NXNL2: variants seen among roughly 807,000 people sequenced by gnomAD.
The protein encoded by NXNL2 is nucleoredoxin like 2.
NXNL2 carries 7 observed loss-of-function variants against 11.1 expected under a neutral mutation model. The ratio of observed to expected loss-of-function variants is 0.63; its 90% CI spans 0.36 to 1.18. The LOEUF is 1.18. Among genes scored for constraint, NXNL2 ranks in the 50% most tolerant of loss-of-function variants. The pLI, the probability that NXNL2 is intolerant of heterozygous loss-of-function variation, is 0.02. For synonymous variants in NXNL2, 109 were observed against 101.8 expected (o/e 1.07, Z -0.42); for missense variants, 233 against 217.7 (o/e 1.07, Z -0.44).
At chr9:88,571,734 C>A (rs555610628) in intron 2 of NXNL2, among the ~76,000 whole-genome samples, 1 of 152,128 alleles carries the variant, frequency 6.6e-6, no homozygotes, top group Admixed American at 6.5e-5. Flanking sequence ...AGCTTTGCTC[C>A]GTCAGGAGGA....
In NXNL2 at chr9:88,535,677, CT is replaced by C. The variant is rs763515772; in HGVS notation, c.245del (p.Phe82SerfsTer22). On this transcript the variant is annotated frameshift_variant, in exon 1 of 2. Transcript: ENST00000375854. LOFTEE classifies it high-confidence loss of function. ...ADGSSQEMLD[F>X]MRELHGAWLA... Reference sequence around the variant, plus strand: ...ACGGCAGCTCCCAGGAGATGCTGGACTTCATGCGCGAGCTGCATGGCGCCTG... The same window carrying C: ...ACGGCAGCTCCCAGGAGATGCTGGACTCATGCGCGAGCTGCATGGCGCCTG... 2 of 1,604,868 alleles carry C rather than the reference CT, an allele frequency of 1.2e-6. No homozygotes were observed. The highest frequency in any genetic ancestry group is 2.7e-5 in the African/African-American group (2 of 74,686).
exon 3 of NXNL2, chr9:88,575,566 C>G (rs1830338295): frequency 6.6e-6 from 1 of 152,064 alleles, no homozygotes; most frequent in African/African-American, 2.4e-5. Context: ...CAATTGAACT[C>G]TTGGACATAG....
chr9:88,572,551 G>A (rs921822986), intron 2 of NXNL2, among the ~76,000 whole-genome samples: 1 of 152,162 alleles, frequency 6.6e-6, no homozygotes, highest in Non-Finnish European at 1.5e-5. Flanking sequence ...TGGGTGAGCC[G>A]TGCCCCTACC....
intron 1 of NXNL2, 78 bp from the exon 2 acceptor site, chr9:88,544,301 A>C (rs1829816431): frequency 2.2e-6 from 3 of 1,338,064 alleles, no homozygotes; most frequent in South Asian, 1.3e-5. Flanking sequence ...GCTGTACCTC[A>C]GGCTGGAGGG....
At chr9:88,539,600 G>C (rs1829706142) in intron 1 of NXNL2, 1 of 152,312 alleles carries the variant, frequency 6.6e-6, no homozygotes, top group South Asian at 2.1e-4. Flanking sequence ...GCTGGATAAA[G>C]AGCTTAAATC....
chr9:88,537,011 G>T (rs1829635804), intron 1 of NXNL2, among the ~76,000 whole-genome samples: 1 of 152,244 alleles, frequency 6.6e-6, no homozygotes, highest in Middle Eastern at 3.2e-3. Context: ...AGGTTTGAAA[G>T]CGAGAGACGA....
intron 1 of NXNL2, among the ~76,000 whole-genome samples, chr9:88,563,223 C>A (rs1482270157): frequency 6.6e-6 from 1 of 152,224 alleles, no homozygotes; most frequent in South Asian, 2.1e-4. Flanking sequence ...CATGTATGCT[C>A]GTGCACATGC....
At chr9:88,570,990 G>C in intron 1 of NXNL2, 1 of 344,668 alleles carries the variant, frequency 2.9e-6, no homozygotes, top group Non-Finnish European at 5.6e-6. Flanking sequence ...TGATCCACCC[G>C]AGTTGGCCTC....
At chr9:88,567,741 T>G (rs1327021432) in intron 1 of NXNL2, among the ~76,000 whole-genome samples, 1 of 152,206 alleles carries the variant, frequency 6.6e-6, no homozygotes, top group African/African-American at 2.4e-5. Context: ...GGCACTAATC[T>G]CTCACTTATA....
At chr9:88,562,453 G>C (rs1304325441) in intron 1 of NXNL2, among the ~76,000 whole-genome samples, 3 of 152,098 alleles carry the variant, frequency 2.0e-5, no homozygotes, top group African/African-American at 7.2e-5. Context: ...AAGAAAGAAA[G>C]AAAAGCAATT....
At position 88,535,688 on chromosome 9, in the gene NXNL2, AGCT is replaced by A; in HGVS notation, c.257_259del (p.Leu86del). Reference sequence around the variant, plus strand: ...CAGGAGATGCTGGACTTCATGCGCGAGCTGCATGGCGCCTGGCTGGCGCTGCCC... The same window carrying A: ...CAGGAGATGCTGGACTTCATGCGCGAGCATGGCGCCTGGCTGGCGCTGCCC... On this transcript the variant is annotated inframe_deletion, in exon 1 of 2. Transcript: ENST00000375854. 2 of 1,600,992 alleles carry A rather than the reference AGCT, an allele frequency of 1.2e-6. No individual in the cohort carries two copies. Among genetic ancestry groups the A allele is most frequent in the Non-Finnish European group, 1.7e-6 (2 of 1,176,518 alleles).
At chr9:88,574,514 A>G (rs777275455) in intron 2 of NXNL2, among the ~76,000 whole-genome samples, 2 of 152,244 alleles carry the variant, frequency 1.3e-5, no homozygotes, top group Non-Finnish European at 2.9e-5. Context: ...AGTCATAGGT[A>G]GATAAGAGAC....
chr9:88,557,903 T>C (rs1199257938), intron 1 of NXNL2, among the ~76,000 whole-genome samples: 5 of 152,166 alleles, frequency 3.3e-5, no homozygotes, highest in Non-Finnish European at 7.4e-5. Flanking sequence ...CCTGCAACAA[T>C]TTTTCTGCCC....
chr9:88,545,018 G>A, downstream of NXNL2: 1 of 432,486 alleles, frequency 2.3e-6, no homozygotes, highest in Non-Finnish European at 3.1e-6. Flanking sequence ...CCAGGTGCCA[G>A]TAGGAAGAAA....
chr9:88,558,089 G>A (rs2354559), intron 1 of NXNL2, among the ~76,000 whole-genome samples: 1,570 of 152,258 alleles, frequency 0.01, 28 homozygotes, highest in African/African-American at 0.035. Flanking sequence ...ACTGCTGGTT[G>A]GGGGCCCCTG....
chr9:88,558,916 A>G (rs1321282450), intron 1 of NXNL2, among the ~76,000 whole-genome samples: 2 of 151,992 alleles, frequency 1.3e-5, no homozygotes, highest in Non-Finnish European at 2.9e-5. Context: ...GTCCCCTCTG[A>G]TCCCAGGTGG....
intron 2 of NXNL2, chr9:88,571,260 G>C (rs1830261460): frequency 1.9e-5 from 5 of 257,130 alleles, no homozygotes; most frequent in South Asian, 1.8e-4. Flanking sequence ...GTAGAGACAG[G>C]GTTTCACCAT....
At chr9:88,564,248 A>G (rs1250890068) in intron 1 of NXNL2, among the ~76,000 whole-genome samples, 1 of 133,516 alleles carries the variant, frequency 7.5e-6, no homozygotes, top group Non-Finnish European at 1.5e-5. Flanking sequence ...TTGTCTATCT[A>G]TCTATCTATC....
Position 88,544,416 on chromosome 9 carries a change from A to C in NXNL2, c.340A>C (p.Lys114Gln). 7.7e-6 allele frequency: 12 copies of C among 1,551,878 alleles called. No homozygotes were observed. Among genetic ancestry groups the C allele is most frequent in the Non-Finnish European group, 1.0e-5 (12 of 1,147,030 alleles). Residue 114 changes from lysine to glutamine, a missense_variant, in exon 2 of 2, where the codon AAG becomes CAG. By Grantham distance (53) the Lys-to-Gln change is moderately conservative (BLOSUM62 1). Transcript: ENST00000375854. ...RKRYNVTAIP[K>Q]LVIVKQNGEV... Reference sequence around the variant, plus strand: ...GAGGTACAACGTCACAGCCATCCCCAAGCTTGTGATTGTGAAACAAAATGG... The same window carrying C: ...GAGGTACAACGTCACAGCCATCCCCCAGCTTGTGATTGTGAAACAAAATGG...
Sources: gnomAD v4.1 joint callset for allele counts (sites outside exome capture counted in the v4.1 genomes callset) on GRCh38, gnomAD v4.1.1 for gene constraint, MANE v1.5 for transcripts, NCBI Gene and HGNC (gene_info 2026-07-23, HGNC 2026-07-21) for gene names.